AGBL1: variants seen among roughly 807,000 people sequenced by gnomAD.
The protein encoded by AGBL1 is cytosolic carboxypeptidase 4.
In AGBL1, 130 loss-of-function variants were observed where a neutral mutation model predicts 118.9. The observed-to-expected ratio is 1.09, with a 90% CI of 0.95 to 1.26. The LOEUF is 1.26. Among genes scored for constraint, AGBL1 ranks in the 50% most tolerant of loss-of-function variants. The pLI is 0.00. For synonymous variants in AGBL1, 555 were observed against 478.9 expected (o/e 1.16, Z -2.08); for missense variants, 1,584 against 1,298.1 (o/e 1.22, Z -3.38).
intron 24 of AGBL1, among the ~76,000 whole-genome samples, chr15:87,024,618 A>G (rs993408488): frequency 2.0e-5 from 3 of 152,016 alleles, no homozygotes; most frequent in Admixed American, 6.6e-5. Flanking sequence ...AGAAAGAGAG[A>G]CCCTTCCCTA....
In AGBL1 at chr15:86,988,089, G is replaced by GTT; in HGVS notation, c.3323+2_3323+3insTT. The GTT allele has an allele frequency of 6.2e-7, 1 of 1,613,008 alleles. No individual in the cohort carries two copies. The highest frequency in any genetic ancestry group is 8.5e-7 in the Non-Finnish European group (1 of 1,179,492). On this transcript the variant is annotated splice_donor_variant, in intron 24 of 24. Transcript: ENST00000441037. LOFTEE classifies it high-confidence loss of function. ...TGAACCTTCTTCTGCATGTCTCCCC[G>GTT]TGAGTATGTCAGTTTCCTGATTGTA...
At chr15:86,164,299 CAG>C (rs1279810957) in intron 5 of AGBL1, among the ~76,000 whole-genome samples, 10 of 152,170 alleles carry the variant, frequency 6.6e-5, no homozygotes, top group African/African-American at 2.4e-4. Context: ...GACACTGGGC[CAG>C]AGTGTGCTAC....
intron 23 of AGBL1, among the ~76,000 whole-genome samples, chr15:86,975,088 G>A (rs2081160106): frequency 6.6e-6 from 1 of 151,952 alleles, no homozygotes; most frequent in East Asian, 1.9e-4. Flanking sequence ...TCAACTTTCT[G>A]GAGCTTTTTT....
chr15:86,357,914 A>G (rs977623509), intron 17 of AGBL1, among the ~76,000 whole-genome samples: 2 of 152,110 alleles, frequency 1.3e-5, no homozygotes, highest in South Asian at 2.1e-4. Context: ...TAAAAATTCT[A>G]TATATTTAAG....
rs968866799 is a variant in AGBL1, at chr15:86,613,824, A to G, written c.2994+59287A>G. Among the ~76,000 whole-genome samples the G allele has an allele frequency of 6.6e-6, 1 of 152,208 alleles. No individual in the cohort carries two copies. Among genetic ancestry groups the G allele is most frequent in the African/African-American group, 2.4e-5 (1 of 41,450 alleles). The stretch of plus-strand genomic sequence containing the variant: ...GACCTACTGAATTAGAATATGTAGC[A>G]TAGTAAGATTCTTGAGTGATCTATA... On this transcript the variant is annotated intron_variant, in intron 21 of 22. Transcript: ENST00000614907. The surrounding 1 kb of genome is among the most constrained non-coding windows in gnomAD (Gnocchi z 4.2).
intron 22 of AGBL1, among the ~76,000 whole-genome samples, chr15:86,839,873 T>G (rs2079220891): frequency 6.6e-6 from 1 of 152,164 alleles, no homozygotes; most frequent in Admixed American, 6.5e-5. Context: ...TCCTCTGAGA[T>G]TCCCCTTACC....
At chr15:86,759,670 A>T (rs1302324353) in intron 22 of AGBL1, among the ~76,000 whole-genome samples, 1 of 152,248 alleles carries the variant, frequency 6.6e-6, no homozygotes, top group East Asian at 1.9e-4. Flanking sequence ...CTAGACATTC[A>T]TTGAGAATCT....
intron 22 of AGBL1, among the ~76,000 whole-genome samples, chr15:86,860,690 ATCCT>A (rs1160733547): frequency 6.6e-6 from 1 of 150,648 alleles, no homozygotes; most frequent in Non-Finnish European, 1.5e-5. Flanking sequence ...GCCATCAGTG[ATCCT>A]TCCTTTCCTC....
intron 1 of AGBL1, among the ~76,000 whole-genome samples, chr15:86,127,980 C>A (rs2076769033): frequency 6.6e-6 from 1 of 152,112 alleles, no homozygotes; most frequent in African/African-American, 2.4e-5. Flanking sequence ...TTTTTAAAAA[C>A]CCTCTTTTTT....
chr15:86,503,848 A>G (rs983403895), intron 18 of AGBL1, among the ~76,000 whole-genome samples: 5 of 151,574 alleles, frequency 3.3e-5, no homozygotes, highest in Admixed American at 6.6e-5. Flanking sequence ...ATGGCCAACC[A>G]TGTGATCTAC....
intron 24 of AGBL1, among the ~76,000 whole-genome samples, chr15:87,005,979 G>C (rs185589996): frequency 6.6e-6 from 1 of 152,202 alleles, no homozygotes; most frequent in Admixed American, 6.5e-5. Context: ...TGTTTGCCTG[G>C]ATATTAGCAG....
chr15:86,496,975 T>C (rs2082862726), intron 18 of AGBL1, among the ~76,000 whole-genome samples: 1 of 152,006 alleles, frequency 6.6e-6, no homozygotes, highest in Non-Finnish European at 1.5e-5. Context: ...CAGTGTGAAA[T>C]GACTACCACA....
At chr15:86,416,055 A>G (rs2081689697) in intron 18 of AGBL1, among the ~76,000 whole-genome samples, 1 of 152,142 alleles carries the variant, frequency 6.6e-6, no homozygotes, top group Non-Finnish European at 1.5e-5. Flanking sequence ...CTAATAATGT[A>G]GATATCACTG....
rs145150995 is a variant in AGBL1, at chr15:86,189,494, T to C, written c.488+30468T>C. On this transcript the variant is annotated intron_variant, in intron 5 of 22. Transcript: ENST00000614907. ...GAGGTGGGGCCTGGTAGGAGGCATT[T>C]AGATTATGGGGGTGGATCCCTCTTG... is the stretch of plus-strand genomic sequence containing the variant. Among the ~76,000 whole-genome samples, 424 of 152,298 alleles carry C rather than the reference T, an allele frequency of 2.8e-3. 1 individual carries two copies. The highest frequency in any genetic ancestry group is 9.8e-3 in the African/African-American group (406 of 41,568).
At chr15:86,244,086 A>AATAT (rs529647160) in intron 6 of AGBL1, among the ~76,000 whole-genome samples, 3,372 of 149,596 alleles carry the variant, frequency 0.023, 106 homozygotes, top group African/African-American at 0.061. Context: ...TAAATAAATA[A>AATAT]ATATATATAT....
chr15:86,217,815 G>A (rs942057597), intron 5 of AGBL1, among the ~76,000 whole-genome samples: 32 of 150,928 alleles, frequency 2.1e-4, no homozygotes, highest in Admixed American at 9.2e-4. Context: ...AGATTCAGTA[G>A]GGCCTCCTGG....
chr15:86,203,189 T>C (rs1387003264), intron 5 of AGBL1, among the ~76,000 whole-genome samples: 1 of 152,122 alleles, frequency 6.6e-6, no homozygotes, highest in African/African-American at 2.4e-5. Flanking sequence ...AGTTGGGAGT[T>C]CACATCTGGA....
intron 21 of AGBL1, among the ~76,000 whole-genome samples, chr15:86,647,118 T>C (rs893092894): frequency 6.6e-6 from 1 of 152,178 alleles, no homozygotes; most frequent in African/African-American, 2.4e-5. Flanking sequence ...TATATAACAT[T>C]AATTGATTTA....
At chr15:86,686,486 G>A (rs1212812540) in intron 22 of AGBL1, among the ~76,000 whole-genome samples, 1 of 136,576 alleles carries the variant, frequency 7.3e-6, no homozygotes, top group Non-Finnish European at 1.5e-5. Flanking sequence ...CCCTGTCACT[G>A]GAGTGCAATG....
Sources: gnomAD v4.1 joint callset for allele counts (sites outside exome capture counted in the v4.1 genomes callset) on GRCh38, gnomAD v4.1.1 for gene constraint, Gnocchi (gnomAD v3.1) non-coding constraint, MANE v1.5 for transcripts, NCBI Gene and HGNC (gene_info 2026-07-23, HGNC 2026-07-21) for gene names.